The following BMPR1B variants were observed in gnomAD, a reference collection of about 807,000 sequenced individuals.
The protein encoded by BMPR1B is bone morphogenetic protein receptor type 1B, also known as bone morphogenetic protein receptor type-1B.
Under a neutral mutation model 59.1 loss-of-function variants are expected in BMPR1B, and 12 were observed. The ratio of observed to expected loss-of-function variants is 0.20; its 90% CI spans 0.13 to 0.33. The LOEUF (loss-of-function observed/expected upper bound fraction) is 0.33, where lower values mean the gene tolerates loss of function less well. Ranked by LOEUF, BMPR1B falls within the 10% of genes least tolerant of loss-of-function variation. The probability of loss-of-function intolerance (pLI) is 1.00; values close to 1 mark genes in which losing one functional copy is unlikely to be tolerated. For synonymous variants in BMPR1B, 237 were observed against 207.3 expected, an observed-to-expected ratio of 1.14 and a Z score of -1.23; for missense variants, 550 against 610.9, an observed-to-expected ratio of 0.90 and a Z score of 1.05.
chr4:95,005,602 C>T (rs1448518147), intron 3 of BMPR1B, among the ~76,000 whole-genome samples: 1 of 152,124 alleles, frequency 6.6e-6, no homozygotes, highest in Non-Finnish European at 1.5e-5. Context: ...TTTCTTGATC[C>T]GTCTTCTTCC....
chr4:95,050,564 A>T (rs1456024433), intron 3 of BMPR1B, among the ~76,000 whole-genome samples: 1 of 152,152 alleles, frequency 6.6e-6, no homozygotes, highest in Non-Finnish European at 1.5e-5. Context: ...TGGGGTCAGG[A>T]GTAGGGGCAA....
At chr4:94,976,058 G>A (rs1731021049) in intron 2 of BMPR1B, among the ~76,000 whole-genome samples, 1 of 152,172 alleles carries the variant, frequency 6.6e-6, no homozygotes, top group Admixed American at 6.5e-5. Context: ...TTGCAGTCAG[G>A]CAGCGACTAG....
At chr4:94,885,940 A>T (rs1043953493) in intron 2 of BMPR1B, among the ~76,000 whole-genome samples, 1 of 152,164 alleles carries the variant, frequency 6.6e-6, no homozygotes, top group Non-Finnish European at 1.5e-5. Context: ...AAGGTTAGTA[A>T]ATGTGGAAAA....
At chr4:94,911,556 G>A (rs969819596) in intron 2 of BMPR1B, among the ~76,000 whole-genome samples, 3 of 152,142 alleles carry the variant, frequency 2.0e-5, no homozygotes, top group African/African-American at 7.2e-5. Flanking sequence ...GTGGTCTTCA[G>A]TGTGGTTTCT....
chr4:95,009,163 C>T (rs12512478), intron 3 of BMPR1B, among the ~76,000 whole-genome samples: 2 of 151,990 alleles, frequency 1.3e-5, no homozygotes, highest in Non-Finnish European at 2.9e-5. Context: ...TGAAGCAACA[C>T]GAACTCTCAT....
intron 1 of BMPR1B, among the ~76,000 whole-genome samples, chr4:94,865,382 T>C (rs1268398885): frequency 1.3e-5 from 2 of 151,228 alleles, no homozygotes; most frequent in African/African-American, 4.9e-5. Context: ...AACCTGTTCA[T>C]GCTGGGTTTT....
rs181013938 is a variant in BMPR1B at position 95,066,994 on chromosome 4, T to C, written c.-17-37414T>C. Among the ~76,000 whole-genome samples the C allele has an allele frequency of 1.4e-3, 208 of 152,330 alleles. 1 individual carries two copies. The highest frequency in any genetic ancestry group is 1.5e-3 in the Non-Finnish European group (105 of 68,028). ...TCTTATTTTTCTAGTAGAGGAATTT[T>C]AGTTTATGCTACAATATCAAGATAT... On this transcript the variant is annotated intron_variant, in intron 3 of 12. Transcript: ENST00000515059.
chr4:94,789,723 C>T (rs1722903289), intron 1 of BMPR1B, among the ~76,000 whole-genome samples: 1 of 152,098 alleles, frequency 6.6e-6, no homozygotes, highest in Non-Finnish European at 1.5e-5. Flanking sequence ...CAGCAAATTC[C>T]AACAATGCAA....
intron 3 of BMPR1B, among the ~76,000 whole-genome samples, chr4:95,045,412 A>T (rs1243237980): frequency 6.6e-6 from 1 of 152,112 alleles, no homozygotes; most frequent in African/African-American, 2.4e-5. Flanking sequence ...AAAACTTCTA[A>T]TTATGGGCTA....
chr4:94,900,678 T>A (rs2148999557), intron 2 of BMPR1B, among the ~76,000 whole-genome samples: 1 of 152,190 alleles, frequency 6.6e-6, no homozygotes, highest in East Asian at 1.9e-4. Flanking sequence ...GTCTGTATTA[T>A]TTGAATAGTC....
chr4:94,919,354 G>A (rs540901760), intron 2 of BMPR1B, among the ~76,000 whole-genome samples: 1 of 152,244 alleles, frequency 6.6e-6, no homozygotes, highest in African/African-American at 2.4e-5. Context: ...AGTAATTATG[G>A]TAAGAAGTAC....
Position 95,149,056 on chromosome 4 carries a change from G to A in BMPR1B, c.1252+133G>A, listed in dbSNP as rs1017608433. ...TTTCCCCTTTATTTCTGTTGATGCA[G>A]TCATAGTGCTTCCAGGAAATTATAT... On this transcript the variant is annotated intron_variant, in intron 11 of 12. Transcript: ENST00000515059. 52 of 1,156,438 alleles carry A rather than the reference G, an allele frequency of 4.5e-5. No individual in the cohort carries two copies. The Middle Eastern group carries it at 9.1e-4, about 20-fold the overall frequency. 71.6% of individuals were successfully genotyped at this position (1,156,438 alleles called of 1,614,324 possible).
At chr4:95,125,400 T>C (rs1189931181) in intron 8 of BMPR1B, among the ~76,000 whole-genome samples, 1 of 152,200 alleles carries the variant, frequency 6.6e-6, no homozygotes, top group Non-Finnish European at 1.5e-5. Flanking sequence ...CCATCTTCCC[T>C]GTGTTTTCCA....
At chr4:95,065,323 G>C (rs932609893) in intron 3 of BMPR1B, among the ~76,000 whole-genome samples, 3 of 152,062 alleles carry the variant, frequency 2.0e-5, no homozygotes, top group Non-Finnish European at 1.5e-5. Context: ...GCCTGTATAT[G>C]GTTTTGTTTT....
At chr4:94,923,105 ATAAT>A (rs750684898) in intron 2 of BMPR1B, among the ~76,000 whole-genome samples, 8 of 151,722 alleles carry the variant, frequency 5.3e-5, no homozygotes, top group Non-Finnish European at 1.2e-4. Flanking sequence ...ACAATTATGT[ATAAT>A]TAATTTATCT....
At chr4:95,018,603 C>A (rs1487090937) in intron 3 of BMPR1B, among the ~76,000 whole-genome samples, 1 of 152,002 alleles carries the variant, frequency 6.6e-6, no homozygotes, top group Non-Finnish European at 1.5e-5. Flanking sequence ...ATTTTGCATC[C>A]CTGTGAAATA....
At chr4:95,082,214 ATT>A (rs67331838) in intron 3 of BMPR1B, among the ~76,000 whole-genome samples, 1 of 143,072 alleles carries the variant, frequency 7.0e-6, no homozygotes, top group Non-Finnish European at 1.5e-5. Context: ...TAACTGTTCA[ATT>A]TTTTTTTAAC....
chr4:94,943,414 G>A (rs145605309), intron 2 of BMPR1B, among the ~76,000 whole-genome samples: 116 of 152,248 alleles, frequency 7.6e-4, no homozygotes, highest in African/African-American at 2.6e-3. Flanking sequence ...GTGAGCCACC[G>A]TGTCTGCCTC....
Position 95,092,750 on chromosome 4 carries a change from G to A in BMPR1B, c.-17-11658G>A, listed in dbSNP as rs553551774. Among the ~76,000 whole-genome samples the A allele has an allele frequency of 4.0e-5, 6 of 150,774 alleles. No homozygotes were observed. The South Asian group carries it at 8.5e-4, about 21-fold the overall frequency. On this transcript the variant is annotated intron_variant, in intron 3 of 12. Transcript: ENST00000515059. ...TGGGGAAAAAGAATAGCACAAACAC[G>A]GTGATTTGGTTTCTGGTTTGTCTGA...
Sources: gnomAD v4.1 joint callset for allele counts (sites outside exome capture counted in the v4.1 genomes callset) on GRCh38, gnomAD v4.1.1 for gene constraint, MANE v1.5 for transcripts, NCBI Gene and HGNC (gene_info 2026-07-23, HGNC 2026-07-21) for gene names.